Variants in SPOCK1 observed in about 807,000 individuals in gnomAD.
SPOCK1 encodes SPARC (osteonectin), cwcv and kazal like domains proteoglycan 1.
A neutral mutation model predicts 55.3 loss-of-function variants in SPOCK1; 23 were observed. That is an observed-to-expected ratio of 0.42 (90% CI 0.30 to 0.59). The LOEUF (loss-of-function observed/expected upper bound fraction) is 0.59, where lower values mean the gene tolerates loss of function less well. Ranked by LOEUF, SPOCK1 falls within the 20% of genes least tolerant of loss-of-function variation. The probability of loss-of-function intolerance (pLI) is 0.22; values close to 1 mark genes in which losing one functional copy is unlikely to be tolerated. For missense variants in SPOCK1, 499 were observed against 552.5 expected, an observed-to-expected ratio of 0.90 and a Z score of 0.97; for synonymous variants, 226 against 221.0, an observed-to-expected ratio of 1.02 and a Z score of -0.20.
intron 2 of SPOCK1, among the ~76,000 whole-genome samples, chr5:137,426,506 CA>C (rs1752615191): frequency 6.6e-6 from 1 of 152,164 alleles, no homozygotes; most frequent in Non-Finnish European, 1.5e-5. Context: ...TGATGTTCGA[CA>C]TATTTCTAAC....
chr5:137,354,772 G>A (rs1234230207), intron 2 of SPOCK1, among the ~76,000 whole-genome samples: 1 of 152,124 alleles, frequency 6.6e-6, no homozygotes, highest in Non-Finnish European at 1.5e-5. Flanking sequence ...ATTCCCTGCT[G>A]TATCCCAGCA....
chr5:137,303,975 A>AT (rs1318689033), intron 2 of SPOCK1, among the ~76,000 whole-genome samples: 1 of 152,182 alleles, frequency 6.6e-6, no homozygotes, highest in African/African-American at 2.4e-5. Flanking sequence ...GTTGCAGAGA[A>AT]GAAAGAAAGA....
intron 3 of SPOCK1, among the ~76,000 whole-genome samples, chr5:137,164,318 C>T (rs79791121): frequency 0.013 from 2,039 of 152,104 alleles, 46 homozygotes; most frequent in African/African-American, 0.045. Context: ...AGCTCTTGGA[C>T]GACACTTCTA....
chr5:137,132,765 C>G (rs62374901), intron 4 of SPOCK1, among the ~76,000 whole-genome samples: 61,597 of 152,062 alleles, frequency 0.41, 12,778 homozygotes, highest in Middle Eastern at 0.47. Flanking sequence ...AAAATATGAA[C>G]TGCCCCCTCT....
intron 6 of SPOCK1, among the ~76,000 whole-genome samples, chr5:137,020,714 A>C (rs192793345): frequency 1.3e-5 from 2 of 151,996 alleles, no homozygotes; most frequent in Admixed American, 1.3e-4. Flanking sequence ...CTATAAATAA[A>C]TTTTTTAAAA....
chr5:137,450,785 C>T (rs1297210005), intron 2 of SPOCK1, among the ~76,000 whole-genome samples: 2 of 152,098 alleles, frequency 1.3e-5, no homozygotes, highest in East Asian at 1.9e-4. Context: ...CCTCACTAGC[C>T]CTCTGCATCT....
chr5:137,119,537 G>A (rs1753649623), intron 4 of SPOCK1, among the ~76,000 whole-genome samples: 2 of 152,156 alleles, frequency 1.3e-5, no homozygotes, highest in African/African-American at 4.8e-5. Flanking sequence ...ATTTTCCATC[G>A]TGGGGTATGT....
At chr5:137,469,328 C>A (rs759336439) in intron 2 of SPOCK1, among the ~76,000 whole-genome samples, 8 of 152,200 alleles carry the variant, frequency 5.3e-5, no homozygotes, top group Non-Finnish European at 1.2e-4. Flanking sequence ...AGGAACAACT[C>A]TGTTATTCAG....
At chr5:137,021,832 A>G (rs1182862665) in intron 6 of SPOCK1, among the ~76,000 whole-genome samples, 1 of 152,198 alleles carries the variant, frequency 6.6e-6, no homozygotes, top group African/African-American at 2.4e-5. Flanking sequence ...GATTTTTTTA[A>G]TACCCATATG....
intron 6 of SPOCK1, among the ~76,000 whole-genome samples, chr5:137,063,411 A>T (rs1201573184): frequency 6.6e-6 from 1 of 152,040 alleles, no homozygotes; most frequent in Non-Finnish European, 1.5e-5. Context: ...TTCTGAAAAA[A>T]AAAAAAAACA....
chr5:137,466,544 G>C (rs192487996), intron 2 of SPOCK1, among the ~76,000 whole-genome samples: 89 of 152,298 alleles, frequency 5.8e-4, no homozygotes, highest in African/African-American at 2.1e-3. Flanking sequence ...ATGGGTAAAA[G>C]CAGACTCCAG....
At chr5:137,489,851 C>T (rs1043103296) in intron 2 of SPOCK1, among the ~76,000 whole-genome samples, 1 of 152,258 alleles carries the variant, frequency 6.6e-6, no homozygotes, top group Non-Finnish European at 1.5e-5. Flanking sequence ...TGGTTCACTG[C>T]AGTCCTCCTG....
At chr5:137,061,675 T>C (rs1484036580) in intron 6 of SPOCK1, among the ~76,000 whole-genome samples, 2 of 150,756 alleles carry the variant, frequency 1.3e-5, no homozygotes, top group African/African-American at 4.9e-5. Context: ...TCTGATCTAA[T>C]CTGTGCCAAC....
chr5:137,086,486 T>G (rs1471752630), intron 5 of SPOCK1, among the ~76,000 whole-genome samples: 1 of 152,138 alleles, frequency 6.6e-6, no homozygotes, highest in Non-Finnish European at 1.5e-5. Context: ...TTGTTTACTC[T>G]GAGTGTGGGC....
intron 4 of SPOCK1, among the ~76,000 whole-genome samples, chr5:137,123,215 CCA>C (rs778413306): frequency 7.9e-5 from 12 of 152,146 alleles, no homozygotes; most frequent in Admixed American, 4.6e-4. Context: ...AGACGGAGCC[CCA>C]GAGAAGCTCC....
chr5:137,428,289 T>C lies in SPOCK1; in HGVS notation c.186+70084A>G, dbSNP rs552623784. Among the ~76,000 whole-genome samples, 3 of 152,306 alleles carry C rather than the reference T, an allele frequency of 2.0e-5. No individual in the cohort carries two copies. In the South Asian group the frequency reaches 6.2e-4, roughly 32 times the overall value. ...AACAAAGAACCTTCATTCAGCCTTT[T>C]AACCTCTTAAGCAAGAGGTTTCTGA... On this transcript the variant is annotated intron_variant, in intron 2 of 10. Transcript: ENST00000394945.
intron 3 of SPOCK1, among the ~76,000 whole-genome samples, chr5:137,263,321 C>A (rs911844976): frequency 6.6e-6 from 1 of 152,142 alleles, no homozygotes; most frequent in African/African-American, 2.4e-5. Context: ...CCTTATTTGA[C>A]CATCAATGGT....
At chr5:137,157,639 T>C (rs1230739015) in intron 3 of SPOCK1, among the ~76,000 whole-genome samples, 1 of 152,208 alleles carries the variant, frequency 6.6e-6, no homozygotes, top group Non-Finnish European at 1.5e-5. Context: ...CCATAGAGTT[T>C]TCTGTTAATC....
At chr5:137,101,919 T>C (rs1380557649) in intron 5 of SPOCK1, among the ~76,000 whole-genome samples, 1 of 152,216 alleles carries the variant, frequency 6.6e-6, no homozygotes, top group Non-Finnish European at 1.5e-5. Flanking sequence ...AACTTCCTCT[T>C]CAGCTAAACA....
Sources: gnomAD v4.1 joint callset for allele counts (sites outside exome capture counted in the v4.1 genomes callset) on GRCh38, gnomAD v4.1.1 for gene constraint, MANE v1.5 for transcripts, NCBI Gene and HGNC (gene_info 2026-07-23, HGNC 2026-07-21) for gene names.